Variants in RRP1B observed in about 807,000 individuals in gnomAD.
RRP1B encodes the protein ribosomal RNA processing 1B.
Under a neutral mutation model 80.2 loss-of-function variants are expected in RRP1B, and 56 were observed. That is an observed-to-expected ratio of 0.70 (90% CI 0.56 to 0.87). RRP1B has a LOEUF of 0.87. Among genes scored for constraint, RRP1B ranks in the 40% least tolerant of loss-of-function variants. RRP1B has a pLI of 0.00. For synonymous variants in RRP1B, 351 were observed against 357.6 expected, an observed-to-expected ratio of 0.98 and a Z score of 0.21; for missense variants, 807 against 939.8, an observed-to-expected ratio of 0.86 and a Z score of 1.85.
intron 10 of RRP1B, among the ~76,000 whole-genome samples, chr21:43,685,399 C>T (rs1041377652): frequency 3.9e-5 from 6 of 152,218 alleles, no homozygotes; most frequent in East Asian, 1.9e-4. Context: ...AACATGGCTT[C>T]GCCTTTCTCC....
chr21:43,689,822 C>T (rs900690440), intron 13 of RRP1B, among the ~76,000 whole-genome samples: 1 of 152,250 alleles, frequency 6.6e-6, no homozygotes, highest in Non-Finnish European at 1.5e-5. Context: ...GAGCCAAGTA[C>T]GAGACCCGGT....
intron 13 of RRP1B, among the ~76,000 whole-genome samples, chr21:43,688,673 C>A (rs151121870): frequency 9.0e-4 from 137 of 152,314 alleles, no homozygotes; most frequent in African/African-American, 3.1e-3. Context: ...ATATTCTTTT[C>A]TTTTCTTAGC....
intron 12 of RRP1B, among the ~76,000 whole-genome samples, 184 bp from the exon 13 acceptor site, chr21:43,687,331 GA>G (rs1443325578): frequency 2.6e-5 from 4 of 152,200 alleles, no homozygotes; most frequent in Non-Finnish European, 5.9e-5. Flanking sequence ...CACAGTTGGG[GA>G]TGGAGGAAGT....
chr21:43,670,135 C>T (rs1352293348), intron 2 of RRP1B, among the ~76,000 whole-genome samples, 169 bp downstream of exon 2: 1 of 152,234 alleles, frequency 6.6e-6, no homozygotes, highest in Non-Finnish European at 1.5e-5. Flanking sequence ...GCAGGGTCAA[C>T]ACAGTTAGGT....
rs572634947 is a variant in RRP1B at position 43,685,562 on chromosome 21, G to C, written c.990-208G>C. Among the ~76,000 whole-genome samples, 14 of 152,294 alleles carry C rather than the reference G, an allele frequency of 9.2e-5. No homozygotes were observed. The South Asian group carries it at 2.9e-3, about 32-fold the overall frequency. ...GGTAACCGAGGGCGGCACTGGCCTT[G>C]AGCTTTTTGGCTTTTGTATTGCACC... On this transcript the variant is annotated intron_variant, in intron 10 of 15. Transcript: ENST00000340648.
At chr21:43,689,947 A>G (rs2083079761) in intron 13 of RRP1B, among the ~76,000 whole-genome samples, 1 of 152,284 alleles carries the variant, frequency 6.6e-6, no homozygotes, top group Admixed American at 6.5e-5. Flanking sequence ...CTGCCAGCGC[A>G]GTGACGATTC....
rs530340437 is a variant in RRP1B, at chr21:43,687,950, A to C, written c.1576A>C (p.Lys526Gln). Residue 526 changes from lysine (K) to glutamine (Q), a missense_variant, in exon 13 of 16, where the codon AAA becomes CAA. By Grantham distance (53) the Lys-to-Gln change is moderately conservative. Coordinates refer to ENST00000340648, the MANE Select transcript of RRP1B (RefSeq NM_015056.3). ...GGAQLLKRKR[K>Q]LGVVPVNGSG... ...AGCCCAACTCCTAAAAAGGAAGCGG[A>C]AACTTGGAGTTGTGCCCGTCAATGG... 1.9e-6 allele frequency: 3 copies of C among 1,613,234 alleles called. No homozygotes were observed. The highest frequency in any genetic ancestry group is 1.7e-5 in the Admixed American group (1 of 60,034).
At chr21:43,673,095 A>T (rs1280525521) in intron 3 of RRP1B, among the ~76,000 whole-genome samples, 1 of 152,262 alleles carries the variant, frequency 6.6e-6, no homozygotes, top group African/African-American at 2.4e-5. Context: ...GCTCACCCAG[A>T]TGCCACCTAT....
In RRP1B at chr21:43,673,835, G is replaced by A; in HGVS notation, c.272-35G>A. On this transcript the variant is annotated intron_variant, in intron 3 of 15. Transcript: ENST00000340648. ...TGCTATATGGTAGTATGTTGATGTG[G>A]AAGCCAAGTATTTAGAGCCTTTTGT... The A allele has an allele frequency of 4.1e-6, 6 of 1,448,646 alleles. No individual in the cohort carries two copies. The South Asian group carries it at 5.8e-5, about 14-fold the overall frequency. The allele number at this position is 1,448,646 out of a possible 1,614,324, so 89.7% of individuals were successfully genotyped here.
At chr21:43,661,006 C>T (rs2082953741) in intron 1 of RRP1B, among the ~76,000 whole-genome samples, 1 of 152,200 alleles carries the variant, frequency 6.6e-6, no homozygotes, top group African/African-American at 2.4e-5. Context: ...CATTTAGAAT[C>T]TGCTTAAAAG....
chr21:43,669,669 A>G (rs1215338168), intron 1 of RRP1B, among the ~76,000 whole-genome samples: 1 of 152,222 alleles, frequency 6.6e-6, no homozygotes, highest in African/African-American at 2.4e-5. Context: ...AGGCCGGGCC[A>G]CCACTGCCAC....
chr21:43,687,972 A>G lies in RRP1B; in HGVS notation c.1598A>G (p.Asn533Ser). The part of the protein sequence containing the change: ...RKRKLGVVPV[N>S]GSGLSTPAWP... ...CGGAAACTTGGAGTTGTGCCCGTCA[A>G]TGGCAGTGGCCTGTCCACGCCGGCC... The change falls in exon 13 of 16, where the codon AAT becomes AGT. Residue 533 changes from asparagine to serine, a missense_variant. Physicochemically the swap from Asn to Ser is conservative, Grantham distance 46. Coordinates refer to ENST00000340648, the MANE Select transcript of RRP1B (RefSeq NM_015056.3). The G allele has an allele frequency of 6.2e-7, 1 of 1,613,186 alleles. No homozygotes were observed. Among genetic ancestry groups the G allele is most frequent in the East Asian group, 2.2e-5 (1 of 44,886 alleles).
intron 2 of RRP1B, among the ~76,000 whole-genome samples, chr21:43,671,667 C>A (rs543821061): frequency 6.6e-6 from 1 of 151,224 alleles, no homozygotes; most frequent in Non-Finnish European, 1.5e-5. Context: ...AGCTGCCCAG[C>A]CCAGCTTAGA....
At chr21:43,684,220 C>T (rs941179725) in intron 9 of RRP1B, among the ~76,000 whole-genome samples, 1 of 151,446 alleles carries the variant, frequency 6.6e-6, no homozygotes, top group Non-Finnish European at 1.5e-5. Context: ...TACAGGCGCC[C>T]GCCATCACGC....
intron 8 of RRP1B, among the ~76,000 whole-genome samples, chr21:43,677,609 A>T (rs937534732): frequency 5.3e-5 from 8 of 152,316 alleles, no homozygotes; most frequent in African/African-American, 1.7e-4. Context: ...ATATATATAT[A>T]TTTTTTAAAG....
At chr21:43,683,990 A>AG (rs2083053330) in intron 9 of RRP1B, among the ~76,000 whole-genome samples, 1 of 148,846 alleles carries the variant, frequency 6.7e-6, no homozygotes, top group African/African-American at 2.5e-5. Context: ...AAAAAAAAAA[A>AG]GCACACCCAG....
chr21:43,664,658 C>G (rs1363562594), intron 1 of RRP1B, among the ~76,000 whole-genome samples: 1 of 152,192 alleles, frequency 6.6e-6, no homozygotes, highest in East Asian at 1.9e-4. Context: ...TTGTATTAGC[C>G]TGTTCTCACG....
At position 43,693,173 on chromosome 21, in the gene RRP1B, GCT is replaced by G; in HGVS notation, c.2084-13_2084-12del. 1 of 1,613,540 alleles carries G rather than the reference GCT, an allele frequency of 6.2e-7. No individual in the cohort carries two copies. Among genetic ancestry groups the G allele is most frequent in the South Asian group, 1.1e-5 (1 of 90,990 alleles). Reference sequence around the variant, plus strand: ...TCGGACCCACTTAATATGGGGCCTTGCTCTCATTTGGGACAGAATTCAAGAAG... The same window carrying G: ...TCGGACCCACTTAATATGGGGCCTTGCTCATTTGGGACAGAATTCAAGAAG... On this transcript the variant is annotated splice_polypyrimidine_tract_variant and intron_variant, in intron 15 of 15. Transcript: ENST00000340648. The surrounding 1 kb of genome is among the most constrained non-coding windows in gnomAD (Gnocchi z 4.1).
intron 13 of RRP1B, among the ~76,000 whole-genome samples, chr21:43,689,248 G>GA (rs1462094399): frequency 7.2e-5 from 11 of 152,374 alleles, no homozygotes; most frequent in Non-Finnish European, 1.3e-4. Flanking sequence ...CTGTAAAGCA[G>GA]AAAATAACTC....
Sources: allele counts gnomAD v4.1 joint callset (sites outside exome capture counted in the v4.1 genomes callset), GRCh38; gene constraint gnomAD v4.1.1; non-coding constraint Gnocchi (gnomAD v3.1); transcripts MANE v1.5; gene names NCBI Gene and HGNC (gene_info 2026-07-23, HGNC 2026-07-21).